Variants in ARHGEF28 observed in about 807,000 individuals in gnomAD.
The protein encoded by ARHGEF28 is 190 kDa guanine nucleotide exchange factor.
A neutral mutation model predicts 206.6 loss-of-function variants in ARHGEF28; 152 were observed. That is an observed-to-expected ratio of 0.74 (90% CI 0.64 to 0.84). The LOEUF is 0.84. ARHGEF28 is among the 40% of genes least tolerant of loss of function. The pLI, the probability that ARHGEF28 is intolerant of heterozygous loss-of-function variation, is 0.00. For missense variants in ARHGEF28, 2,028 were observed against 2,073.2 expected (o/e 0.98, Z 0.42); for synonymous variants, 763 against 776.4 (o/e 0.98, Z 0.29).
chr5:73,789,160 A>G (rs1321972802), intron 7 of ARHGEF28, among the ~76,000 whole-genome samples: 1 of 152,222 alleles, frequency 6.6e-6, no homozygotes, highest in Non-Finnish European at 1.5e-5. Context: ...AACAAAGTAG[A>G]TACCTCCTAT....
intron 2 of ARHGEF28, among the ~76,000 whole-genome samples, chr5:73,700,785 C>T (rs542420106): frequency 6.6e-6 from 1 of 152,192 alleles, no homozygotes; most frequent in African/African-American, 2.4e-5. Flanking sequence ...AAATTAAATT[C>T]ATCCCTGAGA....
At chr5:73,794,348 T>C in intron 7 of ARHGEF28, 54 bp from the exon 8 acceptor site, 1 of 1,455,142 alleles carries the variant, frequency 6.9e-7, no homozygotes, top group Non-Finnish European at 9.4e-7. Flanking sequence ...GTAGTTGTTG[T>C]TCTTCTTAAC....
At chr5:73,914,811 C>T (rs966059039) in intron 35 of ARHGEF28, among the ~76,000 whole-genome samples, 2 of 152,174 alleles carry the variant, frequency 1.3e-5, no homozygotes, top group Non-Finnish European at 2.9e-5. Context: ...CTGCAACCTC[C>T]ACCTCCTGGG....
chr5:73,898,275 G>A, intron 30 of ARHGEF28, 182 bp downstream of exon 30: 2 of 645,840 alleles, frequency 3.1e-6, no homozygotes, highest in Non-Finnish European at 4.7e-6. Context: ...ATATAATAAT[G>A]ACACTGGGGT....
At chr5:73,666,262 G>A (rs998822463) in intron 1 of ARHGEF28, among the ~76,000 whole-genome samples, 2 of 152,212 alleles carry the variant, frequency 1.3e-5, no homozygotes, top group Non-Finnish European at 2.9e-5. Flanking sequence ...ACACTGGGGT[G>A]GGGGTTGGAC....
At chr5:73,923,699 T>C (rs1056333358) in intron 35 of ARHGEF28, among the ~76,000 whole-genome samples, 9 of 152,134 alleles carry the variant, frequency 5.9e-5, no homozygotes, top group Admixed American at 2.0e-4. Flanking sequence ...AGGTAAAACA[T>C]TGATCTTCTC....
At chr5:73,691,157 T>TG (rs1747805071) in intron 2 of ARHGEF28, among the ~76,000 whole-genome samples, 1 of 152,128 alleles carries the variant, frequency 6.6e-6, no homozygotes, top group Non-Finnish European at 1.5e-5. Flanking sequence ...CTCAAACTTC[T>TG]GGGCTCAAGA....
At chr5:73,867,494 A>G (rs906853271) in intron 18 of ARHGEF28, among the ~76,000 whole-genome samples, 2 of 152,198 alleles carry the variant, frequency 1.3e-5, no homozygotes, top group African/African-American at 4.8e-5. Flanking sequence ...GTTTATACAC[A>G]CAATATGCAT....
chr5:73,835,137 A>G (rs1339677179), intron 10 of ARHGEF28: 1 of 152,198 alleles, frequency 6.6e-6, no homozygotes, highest in Non-Finnish European at 1.5e-5. Context: ...ATTACTAATA[A>G]TTTAACCAAT....
chr5:73,705,791 GAT>G (rs1748894090), intron 2 of ARHGEF28, among the ~76,000 whole-genome samples: 2 of 152,122 alleles, frequency 1.3e-5, no homozygotes, highest in African/African-American at 4.8e-5. Flanking sequence ...GTGTTTGAAG[GAT>G]ATGTTTTCAT....
chr5:73,675,760 T>G (rs950342604), intron 1 of ARHGEF28, among the ~76,000 whole-genome samples: 2 of 124,264 alleles, frequency 1.6e-5, no homozygotes, highest in South Asian at 5.0e-4. Context: ...AAAAAGAAAA[T>G]AAGCATATTT....
At chr5:73,878,658 G>A (rs1760696803) in intron 22 of ARHGEF28, among the ~76,000 whole-genome samples, 1 of 150,616 alleles carries the variant, frequency 6.6e-6, no homozygotes, top group Non-Finnish European at 1.5e-5. Context: ...TGTCTGTAAA[G>A]TATTTTATTT....
intron 9 of ARHGEF28, among the ~76,000 whole-genome samples, chr5:73,822,039 G>C (rs575271570): frequency 2.0e-5 from 3 of 152,224 alleles, no homozygotes; most frequent in South Asian, 2.1e-4. Flanking sequence ...AAGGGAAAAG[G>C]CTTGTTTTCT....
intron 2 of ARHGEF28, among the ~76,000 whole-genome samples, chr5:73,707,151 A>G (rs1748987239): frequency 6.6e-6 from 1 of 152,160 alleles, no homozygotes; most frequent in South Asian, 2.1e-4. Context: ...AAAGCATCAC[A>G]TGCTCTACCC....
chr5:73,836,635 C>T (rs553227664), intron 10 of ARHGEF28, among the ~76,000 whole-genome samples: 1 of 152,192 alleles, frequency 6.6e-6, no homozygotes, highest in East Asian at 1.9e-4. Flanking sequence ...TTTGCTGTTT[C>T]CTTTGCTGTG....
Position 73,872,892 on chromosome 5 carries a change from TTC to T in ARHGEF28, c.2567-105_2567-104del, listed in dbSNP as rs55737606. ...GAATATTCTTGATATTCCTAAACAT[TTC>T]TTTTTTATTTGCGTAACATATAGTG... On this transcript the variant is annotated intron_variant, in intron 21 of 35. Coordinates refer to ENST00000513042, the MANE Select transcript of ARHGEF28 (RefSeq NM_001177693.2). The T allele has an allele frequency of 8.9e-3, 11,323 of 1,271,520 alleles. 79 individuals carry two copies. Among genetic ancestry groups the T allele is most frequent in the Middle Eastern group, 0.031 (113 of 3,608 alleles). 78.8% of individuals were successfully genotyped at this position (1,271,520 alleles called of 1,614,324 possible). A position where few individuals can be genotyped will look rare whatever the true frequency, so the allele number is the denominator to read the frequency against.
chr5:73,916,720 A>T (rs974213763), intron 35 of ARHGEF28, among the ~76,000 whole-genome samples: 4 of 152,184 alleles, frequency 2.6e-5, no homozygotes, highest in African/African-American at 7.2e-5. Context: ...GGGGGGACAC[A>T]GTTCAGCTCT....
chr5:73,729,398 G>T (rs761184553), intron 2 of ARHGEF28, among the ~76,000 whole-genome samples: 1 of 152,114 alleles, frequency 6.6e-6, no homozygotes, highest in African/African-American at 2.4e-5. Flanking sequence ...TATCCTCTGG[G>T]CTAAAGGAAT....
intron 9 of ARHGEF28, among the ~76,000 whole-genome samples, chr5:73,811,833 ATT>A (rs1264764738): frequency 1.3e-5 from 2 of 152,026 alleles, no homozygotes; most frequent in African/African-American, 4.8e-5. Flanking sequence ...AAATACAAAA[ATT>A]AGCCGGGTGT....
Sources: allele counts gnomAD v4.1 joint callset (sites outside exome capture counted in the v4.1 genomes callset), GRCh38; gene constraint gnomAD v4.1.1; transcripts MANE v1.5; gene names NCBI Gene and HGNC (gene_info 2026-07-23, HGNC 2026-07-21).